Variants in GRIN3A observed in about 807,000 individuals in gnomAD.
GRIN3A encodes glutamate ionotropic receptor NMDA type subunit 3A.
GRIN3A carries 47 observed loss-of-function variants against 92.4 expected under a neutral mutation model. That is an observed-to-expected ratio of 0.51 (90% CI 0.40 to 0.65). The LOEUF is 0.65. Ranked by LOEUF, GRIN3A falls within the 30% of genes least tolerant of loss-of-function variation. GRIN3A has a pLI of 0.00. For synonymous variants in GRIN3A, 527 were observed against 540.6 expected (o/e 0.97, Z 0.35); for missense variants, 1,324 against 1,393.1 (o/e 0.95, Z 0.79).
intron 2 of GRIN3A, among the ~76,000 whole-genome samples, chr9:101,679,713 G>T (rs906700714): frequency 6.6e-6 from 1 of 152,172 alleles, no homozygotes; most frequent in African/African-American, 2.4e-5. Flanking sequence ...CTAGGAGTAA[G>T]AGTTAGGTAT....
chr9:101,731,228 T>TC (rs1447208307), intron 1 of GRIN3A, among the ~76,000 whole-genome samples: 2 of 152,194 alleles, frequency 1.3e-5, no homozygotes, highest in Admixed American at 1.3e-4. Context: ...TCCAATCTGT[T>TC]CTTTGGTTGA....
chr9:101,696,675 T>C (rs188087033), intron 1 of GRIN3A, among the ~76,000 whole-genome samples: 26 of 152,332 alleles, frequency 1.7e-4, no homozygotes, highest in African/African-American at 6.3e-4. Flanking sequence ...ATGGGAACTA[T>C]TGAAATATGC....
intron 2 of GRIN3A, 30 bp from the exon 3 acceptor site, chr9:101,671,137 AG>A (rs775552328): frequency 6.7e-7 from 1 of 1,501,446 alleles, no homozygotes; most frequent in East Asian, 2.3e-5. Flanking sequence ...GCAAAAAGTA[AG>A]AAAAGCAGTG....
At chr9:101,628,560 G>C (rs1346698854) in intron 3 of GRIN3A, among the ~76,000 whole-genome samples, 159 bp from the exon 4 acceptor site, 1 of 152,118 alleles carries the variant, frequency 6.6e-6, no homozygotes, top group African/African-American at 2.4e-5. Flanking sequence ...ATGGCTACAT[G>C]CTTTTTACAT....
intron 1 of GRIN3A, among the ~76,000 whole-genome samples, chr9:101,691,488 GA>G (rs1235418382): frequency 1.3e-5 from 2 of 151,798 alleles, no homozygotes; most frequent in African/African-American, 4.8e-5. Context: ...TGGGACTTAA[GA>G]AAAAAACGAG....
chr9:101,610,199 T>G (rs1828342123), intron 6 of GRIN3A, among the ~76,000 whole-genome samples: 1 of 152,214 alleles, frequency 6.6e-6, no homozygotes, highest in Non-Finnish European at 1.5e-5. Context: ...CAAATCTCTC[T>G]AAATAAAGAT....
chr9:101,696,256 A>C (rs1266207149), intron 1 of GRIN3A, among the ~76,000 whole-genome samples: 2 of 152,360 alleles, frequency 1.3e-5, no homozygotes, highest in East Asian at 3.9e-4. Flanking sequence ...TGCATGTGAA[A>C]GTGCTTTATG....
intron 3 of GRIN3A, among the ~76,000 whole-genome samples, chr9:101,640,280 C>T (rs1321323108): frequency 2.0e-5 from 3 of 152,202 alleles, no homozygotes. Flanking sequence ...CTGCATGAAT[C>T]ACAAGAGCAG....
intron 2 of GRIN3A, among the ~76,000 whole-genome samples, chr9:101,677,254 C>T (rs770609184): frequency 3.3e-5 from 5 of 152,034 alleles, no homozygotes; most frequent in African/African-American, 4.8e-5. Flanking sequence ...TCTCATTTTA[C>T]ACCTCTTCCT....
At chr9:101,666,049 C>T (rs1373368034) in intron 3 of GRIN3A, among the ~76,000 whole-genome samples, 1 of 151,894 alleles carries the variant, frequency 6.6e-6, no homozygotes, top group African/African-American at 2.4e-5. Flanking sequence ...ATTTGTGGAG[C>T]TGCATGAATT....
At chr9:101,658,502 C>T (rs1187895354) in intron 3 of GRIN3A, among the ~76,000 whole-genome samples, 1 of 151,594 alleles carries the variant, frequency 6.6e-6, no homozygotes. Flanking sequence ...AATTATATGC[C>T]TTCAGGTCAT....
chr9:101,642,155 A>G (rs563270461), intron 3 of GRIN3A, among the ~76,000 whole-genome samples: 54 of 152,276 alleles, frequency 3.5e-4, no homozygotes, highest in African/African-American at 1.2e-3. Flanking sequence ...CAGAATAGAG[A>G]ACCCCAAAAT....
intron 1 of GRIN3A, among the ~76,000 whole-genome samples, chr9:101,711,741 T>C (rs1829881622): frequency 6.6e-6 from 1 of 152,092 alleles, no homozygotes; most frequent in Non-Finnish European, 1.5e-5. Context: ...CTGGAGATAA[T>C]TGATAGCGAA....
At chr9:101,735,903 G>A (rs913074439) in intron 1 of GRIN3A, among the ~76,000 whole-genome samples, 3 of 147,568 alleles carry the variant, frequency 2.0e-5, no homozygotes, top group Non-Finnish European at 4.6e-5. Context: ...TCTGTAGTTC[G>A]GCTAGGAATC....
intron 6 of GRIN3A, among the ~76,000 whole-genome samples, chr9:101,580,048 A>C (rs1827869531): frequency 6.6e-6 from 1 of 152,148 alleles, no homozygotes; most frequent in African/African-American, 2.4e-5. Flanking sequence ...CCATTTTTTG[A>C]ACATGGGCCC....
intron 2 of GRIN3A, among the ~76,000 whole-genome samples, chr9:101,675,179 T>C (rs1829378047): frequency 6.6e-6 from 1 of 151,972 alleles, no homozygotes; most frequent in Admixed American, 6.6e-5. Context: ...ATCTTTTTTA[T>C]CAACAAACCT....
At chr9:101,707,220 A>C (rs1049161758) in intron 1 of GRIN3A, among the ~76,000 whole-genome samples, 2 of 152,230 alleles carry the variant, frequency 1.3e-5, no homozygotes, top group Non-Finnish European at 1.5e-5. Context: ...AAGTAGCCCC[A>C]GGGTTGTAGC....
At chr9:101,667,019 A>C (rs1829247252) in intron 3 of GRIN3A, among the ~76,000 whole-genome samples, 1 of 151,762 alleles carries the variant, frequency 6.6e-6, no homozygotes, top group African/African-American at 2.4e-5. Flanking sequence ...ATTGAAGTTC[A>C]CTCTTCTTAG....
intron 8 of GRIN3A, among the ~76,000 whole-genome samples, chr9:101,576,838 A>G (rs1383954919): frequency 6.6e-6 from 1 of 152,170 alleles, no homozygotes; most frequent in South Asian, 2.1e-4. Context: ...TGGAGACTGC[A>G]TAGAAGGGGA....
Sources: allele counts gnomAD v4.1 joint callset (sites outside exome capture counted in the v4.1 genomes callset), GRCh38; gene constraint gnomAD v4.1.1; transcripts MANE v1.5; gene names NCBI Gene and HGNC (gene_info 2026-07-23, HGNC 2026-07-21).